The following HDAC9 variants were observed in gnomAD, a reference collection of about 807,000 sequenced individuals.
HDAC9 encodes histone deacetylase 9.
HDAC9 carries 41 observed loss-of-function variants against 139.4 expected under a neutral mutation model. That is an observed-to-expected ratio of 0.29 (90% CI 0.23 to 0.38). The LOEUF is 0.38. Among genes scored for constraint, HDAC9 ranks in the 10% least tolerant of loss-of-function variants. HDAC9 has a pLI of 1.00. For synonymous variants in HDAC9, 517 were observed against 476.2 expected (o/e 1.09, Z -1.12); for missense variants, 1,147 against 1,297.0 (o/e 0.88, Z 1.78).
intron 1 of HDAC9, among the ~76,000 whole-genome samples, chr7:18,297,860 T>C (rs1343150189): frequency 6.6e-6 from 1 of 152,238 alleles, no homozygotes; most frequent in African/African-American, 2.4e-5. Flanking sequence ...GTCTGGATAA[T>C]GTGTCAAATC....
chr7:18,524,714 G>C lies in HDAC9; in HGVS notation c.22+28390G>C, dbSNP rs1222661953. 2.6e-5 allele frequency among the ~76,000 whole-genome samples: 4 copies of C among 152,100 alleles called. No homozygotes were observed. The East Asian group carries it at 7.7e-4, about 29-fold the overall frequency. On this transcript the variant is annotated intron_variant, in intron 2 of 25. Coordinates refer to ENST00000686413, the MANE Select transcript of HDAC9 (RefSeq NM_178425.4). Reference sequence around the variant, plus strand: ...TTCTAGGGATTGAGAGATACAGAGAGATTGAGAGAGTGAATTGGAGTGAGT... The same window carrying C: ...TTCTAGGGATTGAGAGATACAGAGACATTGAGAGAGTGAATTGGAGTGAGT...
At chr7:18,416,748 C>T (rs1261970457) in intron 1 of HDAC9, among the ~76,000 whole-genome samples, 1 of 152,002 alleles carries the variant, frequency 6.6e-6, no homozygotes, top group Non-Finnish European at 1.5e-5. Flanking sequence ...ATTAATGTCA[C>T]CTTTGGATCT....
chr7:18,846,625 A>C (rs572950876), intron 21 of HDAC9, among the ~76,000 whole-genome samples: 1 of 152,210 alleles, frequency 6.6e-6, no homozygotes, highest in Non-Finnish European at 1.5e-5. Flanking sequence ...GTTCCATTAT[A>C]ACCCTATTTC....
chr7:18,089,593 A>T (rs1215995894), intron 1 of HDAC9, among the ~76,000 whole-genome samples: 1 of 152,114 alleles, frequency 6.6e-6, no homozygotes, highest in Non-Finnish European at 1.5e-5. Flanking sequence ...TTTGAATGAC[A>T]CCAGAATTCA....
chr7:18,773,008 T>A (rs1225384029), intron 16 of HDAC9, among the ~76,000 whole-genome samples: 1 of 152,102 alleles, frequency 6.6e-6, no homozygotes, highest in African/African-American at 2.4e-5. Context: ...TATACATTAC[T>A]CTGTGTATGG....
At chr7:18,769,101 G>A (rs1790066773) in intron 16 of HDAC9, among the ~76,000 whole-genome samples, 1 of 152,094 alleles carries the variant, frequency 6.6e-6, no homozygotes, top group African/African-American at 2.4e-5. Flanking sequence ...TCCTTCATAA[G>A]TCAAAGAGCA....
intron 12 of HDAC9, among the ~76,000 whole-genome samples, chr7:18,706,635 G>A (rs1292609431): frequency 2.6e-5 from 4 of 152,202 alleles, no homozygotes; most frequent in Non-Finnish European, 4.4e-5. Flanking sequence ...TGTCCTGAGA[G>A]ACATCTAGTC....
chr7:18,166,007 C>G (rs1035603520), intron 2 of HDAC9, among the ~76,000 whole-genome samples: 4 of 152,022 alleles, frequency 2.6e-5, no homozygotes, highest in African/African-American at 9.7e-5. Context: ...GCTTTTTAGT[C>G]CGATCTCAAG....
intron 17 of HDAC9, among the ~76,000 whole-genome samples, chr7:18,794,474 A>G (rs1321462761): frequency 6.6e-6 from 1 of 152,190 alleles, no homozygotes; most frequent in Non-Finnish European, 1.5e-5. Flanking sequence ...TAACTCTTTA[A>G]AGAGTCAGAG....
chr7:18,755,651 A>T (rs1459080445), intron 14 of HDAC9, among the ~76,000 whole-genome samples: 1 of 152,014 alleles, frequency 6.6e-6, no homozygotes, highest in African/African-American at 2.4e-5. Flanking sequence ...AAGGGATAAC[A>T]TTTTTTTCTT....
At chr7:18,356,364 T>TTTTTG (rs1585339035) in intron 1 of HDAC9, among the ~76,000 whole-genome samples, 2 of 139,610 alleles carry the variant, frequency 1.4e-5, no homozygotes, top group African/African-American at 5.4e-5. Flanking sequence ...ATAGGTTTTT[T>TTTTTG]TTTTTTTTTT....
At chr7:18,981,983 G>A (rs922671351) in intron 25 of HDAC9, among the ~76,000 whole-genome samples, 1 of 152,032 alleles carries the variant, frequency 6.6e-6, no homozygotes, top group African/African-American at 2.4e-5. Flanking sequence ...TATAGGCCAA[G>A]GACTGGGGAG....
chr7:18,092,071 C>T (rs1782190916), intron 1 of HDAC9, among the ~76,000 whole-genome samples: 3 of 152,198 alleles, frequency 2.0e-5, no homozygotes, highest in Non-Finnish European at 4.4e-5. Flanking sequence ...GGTATGTCCA[C>T]CACATTGACT....
At chr7:18,441,605 ATTCT>A (rs1268975011) in intron 1 of HDAC9, among the ~76,000 whole-genome samples, 1 of 152,214 alleles carries the variant, frequency 6.6e-6, no homozygotes, top group East Asian at 1.9e-4. Flanking sequence ...TTCTGAGGAC[ATTCT>A]TCAGTATTCA....
At chr7:18,774,532 G>C (rs1047185777) in intron 16 of HDAC9, among the ~76,000 whole-genome samples, 5 of 151,974 alleles carry the variant, frequency 3.3e-5, no homozygotes, top group Non-Finnish European at 7.4e-5. Context: ...AGTCTATTAA[G>C]TTTACAGTAG....
chr7:18,719,409 G>A (rs921060302), intron 12 of HDAC9, among the ~76,000 whole-genome samples: 5 of 133,964 alleles, frequency 3.7e-5, no homozygotes, highest in Non-Finnish European at 6.1e-5. Context: ...GCACGATCTC[G>A]GCTCACTGCA....
At position 18,107,654 on chromosome 7, in the gene HDAC9, TA is replaced by T. The variant is rs545714136; in HGVS notation, c.-97+20444del. 3.9e-3 allele frequency among the ~76,000 whole-genome samples: 590 copies of T among 152,324 alleles called. 14 individuals are homozygous for T. Among genetic ancestry groups the T allele is most frequent in the Admixed American group, 0.037 (559 of 15,298 alleles). On this transcript the variant is annotated intron_variant, in intron 1 of 12. Coordinates refer to the HDAC9 transcript ENST00000417496. ...TGAGGAAGGTGTTAGATTTAAGGCC[TA>T]AAGTGGATTTTAAACTGACACCTCC... is the stretch of plus-strand genomic sequence containing the variant.
intron 2 of HDAC9, among the ~76,000 whole-genome samples, chr7:18,520,227 A>G (rs548175139): frequency 4.6e-5 from 7 of 152,284 alleles, no homozygotes; most frequent in African/African-American, 1.7e-4. Flanking sequence ...ATACATCAAA[A>G]TATTAAAGTA....
chr7:18,585,125 C>T, intron 2 of HDAC9, 156 bp from the exon 3 acceptor site: 1 of 828,818 alleles, frequency 1.2e-6, no homozygotes, highest in Non-Finnish European at 1.9e-6. Flanking sequence ...GTACAAATGA[C>T]TTTATATCAT....
Sources: gnomAD v4.1 joint callset for allele counts (sites outside exome capture counted in the v4.1 genomes callset) on GRCh38, gnomAD v4.1.1 for gene constraint, MANE v1.5 for transcripts, NCBI Gene and HGNC (gene_info 2026-07-23, HGNC 2026-07-21) for gene names.